The following TAS2R1 variants were observed in gnomAD, a reference collection of about 807,000 sequenced individuals.
TAS2R1 encodes the protein taste receptor type 2 member 1.
For synonymous variants in TAS2R1, 141 were observed against 134.2 expected (o/e 1.05, Z -0.35); for missense variants, 370 against 353.4 (o/e 1.05, Z -0.38).
At chr5:9,873,951 G>C in the TAS2R1 span, among the ~76,000 whole-genome samples, 1 of 147,614 alleles carries the variant, frequency 6.8e-6, no homozygotes, top group African/African-American at 2.5e-5. Flanking sequence ...GGGGGAGACA[G>C]AAAGAAAAGA....
the TAS2R1 span, among the ~76,000 whole-genome samples, chr5:9,784,744 C>A: frequency 6.6e-6 from 1 of 152,272 alleles, no homozygotes; most frequent in East Asian, 1.9e-4. Flanking sequence ...CAGTGGCTGC[C>A]ACCAATCCTT....
At chr5:9,813,615 A>G in the TAS2R1 span, among the ~76,000 whole-genome samples, 1 of 152,206 alleles carries the variant, frequency 6.6e-6, no homozygotes, top group Non-Finnish European at 1.5e-5. Context: ...TCTAAGCCAC[A>G]ATATTTTGGG....
At chr5:9,900,412 C>T in the TAS2R1 span, among the ~76,000 whole-genome samples, 1 of 152,132 alleles carries the variant, frequency 6.6e-6, no homozygotes, top group Non-Finnish European at 1.5e-5. Context: ...AATTTCTTCT[C>T]TTATGGATTA....
At chr5:9,901,574 G>C in the TAS2R1 span, among the ~76,000 whole-genome samples, 2 of 152,056 alleles carry the variant, frequency 1.3e-5, no homozygotes, top group East Asian at 3.8e-4. Flanking sequence ...AGGGGCCTTT[G>C]AAAGCTTTGT....
intron 2 of TAS2R1, among the ~76,000 whole-genome samples, chr5:9,652,079 A>G (rs1337939200): frequency 6.6e-6 from 1 of 152,236 alleles, no homozygotes; most frequent in Non-Finnish European, 1.5e-5. Flanking sequence ...TGAAATCATT[A>G]TATGTATATT....
chr5:9,745,605 A>G, the TAS2R1 span, among the ~76,000 whole-genome samples: 418 of 152,282 alleles, frequency 2.7e-3, 4 homozygotes, highest in African/African-American at 9.1e-3. Context: ...GACCTCAGAA[A>G]TAACACCACA....
the TAS2R1 span, among the ~76,000 whole-genome samples, chr5:9,758,145 T>C: frequency 5.3e-5 from 8 of 152,200 alleles, no homozygotes; most frequent in Non-Finnish European, 8.8e-5. Context: ...TTGATTTTAC[T>C]ACTTTAAAGA....
chr5:9,681,039 G>A lies in TAS2R1; in HGVS notation c.-241-21458C>T, dbSNP rs1740984633. Among the ~76,000 whole-genome samples the A allele has an allele frequency of 2.6e-5, 4 of 152,074 alleles. No individual in the cohort carries two copies. The South Asian group carries it at 8.3e-4, about 32-fold the overall frequency. On this transcript the variant is annotated intron_variant, in intron 1 of 2. Transcript: ENST00000506620. ...ATCGTGCCACTGCACTCCAGCCTGG[G>A]TGACAGAGAGAGACTCCATCTCAAT...
the TAS2R1 span, among the ~76,000 whole-genome samples, chr5:9,879,690 G>A: frequency 6.6e-6 from 1 of 152,140 alleles, no homozygotes; most frequent in Admixed American, 6.5e-5. Context: ...CCATAAAGAT[G>A]CCTGACCCAT....
the TAS2R1 span, among the ~76,000 whole-genome samples, chr5:9,769,870 T>C: frequency 2.0e-5 from 3 of 152,212 alleles, no homozygotes; most frequent in Non-Finnish European, 4.4e-5. Context: ...GGATTATCTC[T>C]TCAGTTTCTT....
At position 9,640,027 on chromosome 5, in the gene TAS2R1, C is replaced by T. The variant is rs142021928; in HGVS notation, c.-80-10035G>A. ...TTGCATTCACAACCTAAGCATTTGG[C>T]CTATCATGGCTCTCAACATGCCTTT... On this transcript the variant is annotated intron_variant, in intron 2 of 2. Transcript: ENST00000506620. Among the ~76,000 whole-genome samples the T allele has an allele frequency of 1.0e-3, 156 of 152,246 alleles. 3 individuals are homozygous for T. Among genetic ancestry groups the T allele is most frequent in the Admixed American group, 5.6e-3 (86 of 15,298 alleles).
At position 9,628,569 on chromosome 5, in the gene TAS2R1, T is replaced by C. The variant is rs1289148664; in HGVS notation, c.*564A>G. Among the ~76,000 whole-genome samples, 7 of 152,078 alleles carry C rather than the reference T, an allele frequency of 4.6e-5. No individual in the cohort carries two copies. The highest frequency in any genetic ancestry group is 1.4e-4 in the African/African-American group (6 of 41,406). On this transcript the variant is annotated 3_prime_UTR_variant, in exon 1 of 1. Coordinates refer to ENST00000382492, the MANE Select transcript of TAS2R1 (RefSeq NM_019599.3). ...GAAGGCCTGCTTGTCCTTGCTTCCT[T>C]TGTGATCTGAGGAGAAAGAATGGCT...
intron 1 of TAS2R1, among the ~76,000 whole-genome samples, chr5:9,699,022 G>T (rs1741420822): frequency 6.6e-6 from 1 of 152,140 alleles, no homozygotes; most frequent in Admixed American, 6.6e-5. Flanking sequence ...TGAGAACTAA[G>T]CTCAAAACAG....
At chr5:9,735,645 C>T in the TAS2R1 span, among the ~76,000 whole-genome samples, 2 of 152,296 alleles carry the variant, frequency 1.3e-5, no homozygotes, top group East Asian at 3.9e-4. Flanking sequence ...CCACACCCCC[C>T]ACCATGGTGA....
chr5:9,794,656 A>G, the TAS2R1 span, among the ~76,000 whole-genome samples: 1 of 152,248 alleles, frequency 6.6e-6, no homozygotes, highest in Non-Finnish European at 1.5e-5. Context: ...AACTTTTCTG[A>G]GAAAATATCT....
the TAS2R1 span, among the ~76,000 whole-genome samples, chr5:9,775,497 G>C: frequency 1.3e-5 from 2 of 151,966 alleles, no homozygotes; most frequent in South Asian, 4.1e-4. Context: ...TTTTCAAGCA[G>C]GAGTCTCTTC....
the TAS2R1 span, among the ~76,000 whole-genome samples, chr5:9,800,164 G>A: frequency 6.6e-6 from 1 of 152,218 alleles, no homozygotes; most frequent in African/African-American, 2.4e-5. Flanking sequence ...AATTGGGTAT[G>A]CTAGTGGATA....
intron 1 of TAS2R1, among the ~76,000 whole-genome samples, chr5:9,668,937 G>T (rs1176484797): frequency 6.6e-6 from 1 of 151,948 alleles, no homozygotes; most frequent in Non-Finnish European, 1.5e-5. Context: ...AATTTAAATG[G>T]GCTAAACACC....
At chr5:9,788,360 C>A in the TAS2R1 span, among the ~76,000 whole-genome samples, 39 of 152,310 alleles carry the variant, frequency 2.6e-4, 1 homozygote, top group East Asian at 7.5e-3. Context: ...TTGCCCAAGT[C>A]AAGCTGGGGC....
Sources: allele counts gnomAD v4.1 joint callset (sites outside exome capture counted in the v4.1 genomes callset), GRCh38; gene constraint gnomAD v4.1.1; transcripts MANE v1.5; gene names NCBI Gene and HGNC (gene_info 2026-07-23, HGNC 2026-07-21).